NTM: variants seen among roughly 807,000 people sequenced by gnomAD.
NTM encodes the protein neurotrimin, also known as IgLON family member 2.
A neutral mutation model predicts 42.1 loss-of-function variants in NTM; 13 were observed. The ratio of observed to expected loss-of-function variants is 0.31; its 90% confidence interval spans 0.20 to 0.49. The LOEUF is 0.49. Ranked by LOEUF, NTM falls within the 20% of genes least tolerant of loss-of-function variation. The pLI, the probability that NTM is intolerant of heterozygous loss-of-function variation, is 0.99. For missense variants in NTM, 373 were observed against 452.8 expected (o/e 0.82, Z 1.60); for synonymous variants, 187 against 179.2 (o/e 1.04, Z -0.35).
chr11:131,436,361 C>G (rs1949133907), intron 1 of NTM, among the ~76,000 whole-genome samples: 2 of 152,122 alleles, frequency 1.3e-5, no homozygotes, highest in South Asian at 4.1e-4. Context: ...AGGAATGGTA[C>G]CAGCTCCTTT....
chr11:131,931,501 G>GTGTGTA (rs1353027491), intron 2 of NTM, among the ~76,000 whole-genome samples: 1 of 150,966 alleles, frequency 6.6e-6, no homozygotes, highest in Non-Finnish European at 1.5e-5. Context: ...GTGTGTGTGT[G>GTGTGTA]TGTATGTGTG....
chr11:132,210,279 T>C (rs949036170), intron 3 of NTM, among the ~76,000 whole-genome samples: 3 of 152,116 alleles, frequency 2.0e-5, no homozygotes, highest in Non-Finnish European at 4.4e-5. Context: ...ACACTTAACT[T>C]GCCAAGAACT....
chr11:131,953,816 G>T (rs537078268), intron 2 of NTM, among the ~76,000 whole-genome samples: 1 of 152,162 alleles, frequency 6.6e-6, no homozygotes, highest in African/African-American at 2.4e-5. Flanking sequence ...GAGGAGAAAA[G>T]GTAAAGTGAT....
At chr11:132,218,162 G>A (rs1335027009) in intron 4 of NTM, among the ~76,000 whole-genome samples, 1 of 152,076 alleles carries the variant, frequency 6.6e-6, no homozygotes, top group Non-Finnish European at 1.5e-5. Context: ...GAATGGCAGA[G>A]GAGAAAGACT....
At chr11:131,683,075 C>T (rs1304905489) in intron 1 of NTM, among the ~76,000 whole-genome samples, 1 of 152,218 alleles carries the variant, frequency 6.6e-6, no homozygotes, top group Non-Finnish European at 1.5e-5. Flanking sequence ...AACCCACAGT[C>T]ATCTGCACAG....
At chr11:132,198,089 G>A (rs2080564537) in intron 3 of NTM, among the ~76,000 whole-genome samples, 1 of 152,118 alleles carries the variant, frequency 6.6e-6, no homozygotes, top group Non-Finnish European at 1.5e-5. Context: ...CTTCCACAAT[G>A]GTTGAACTAG....
At chr11:131,924,114 T>C (rs531652835) in intron 2 of NTM, among the ~76,000 whole-genome samples, 1 of 152,360 alleles carries the variant, frequency 6.6e-6, no homozygotes, top group South Asian at 2.1e-4. Context: ...CCTGGAGCTA[T>C]GTGTGGAAAT....
chr11:131,611,573 G>C (rs979090462), intron 1 of NTM, among the ~76,000 whole-genome samples: 1 of 152,192 alleles, frequency 6.6e-6, no homozygotes, highest in African/African-American at 2.4e-5. Context: ...GCACAAGGAA[G>C]AAAGACAAAA....
At chr11:131,630,733 C>T (rs954192803) in intron 1 of NTM, among the ~76,000 whole-genome samples, 4 of 152,130 alleles carry the variant, frequency 2.6e-5, no homozygotes, top group African/African-American at 9.7e-5. Flanking sequence ...TGATTATCAC[C>T]GCCTGCACTG....
At chr11:131,845,953 C>T (rs764182006) in intron 1 of NTM, among the ~76,000 whole-genome samples, 8 of 152,018 alleles carry the variant, frequency 5.3e-5, no homozygotes, top group Middle Eastern at 3.4e-3. Context: ...TTATCCTCTC[C>T]GAAACATTCC....
chr11:132,001,288 C>T (rs1259798802), intron 2 of NTM, among the ~76,000 whole-genome samples: 1 of 152,108 alleles, frequency 6.6e-6, no homozygotes, highest in African/African-American at 2.4e-5. Flanking sequence ...ATCTTAGTAC[C>T]ACTTTTTAAG....
At position 132,243,367 on chromosome 11, in the gene NTM, A is replaced by G. The variant is rs538023074; in HGVS notation, c.526+31220A>G. 3.9e-5 allele frequency among the ~76,000 whole-genome samples: 6 copies of G among 152,328 alleles called. No homozygotes were observed. The East Asian group carries it at 1.2e-3, about 29-fold the overall frequency. On this transcript the variant is annotated intron_variant, in intron 4 of 8. Coordinates refer to ENST00000683400, the MANE Select transcript of NTM (RefSeq NM_001352005.2). ...ATTTGTCATTCAAAAAATATCAAAC[A>G]TATATAGGCTATTTCGCATTATTGG...
At chr11:131,755,474 A>G (rs2083208074) in intron 1 of NTM, among the ~76,000 whole-genome samples, 1 of 152,228 alleles carries the variant, frequency 6.6e-6, no homozygotes, top group Non-Finnish European at 1.5e-5. Flanking sequence ...ATACTGGATG[A>G]CCAGCTAAAT....
rs753134166 is a variant in NTM at position 131,965,719 on chromosome 11, G to A, written c.167+54071G>A. Reference sequence around the variant, plus strand: ...ACTCTTGTCACTGTCTCAGGCTGCCGCCCAGAAAGGCAAACATTGGAGTGA... The same window carrying A: ...ACTCTTGTCACTGTCTCAGGCTGCCACCCAGAAAGGCAAACATTGGAGTGA... On this transcript the variant is annotated intron_variant, in intron 2 of 8. Coordinates refer to ENST00000683400, the MANE Select transcript of NTM (RefSeq NM_001352005.2). Among the ~76,000 whole-genome samples the A allele has an allele frequency of 2.4e-4, 36 of 152,182 alleles. 2 individuals carry two copies. The highest frequency in any genetic ancestry group is 1.5e-3 in the East Asian group (8 of 5,172).
At chr11:132,229,464 CCTT>C (rs1272772654) in intron 4 of NTM, among the ~76,000 whole-genome samples, 5 of 152,184 alleles carry the variant, frequency 3.3e-5, no homozygotes, top group Admixed American at 3.3e-4. Context: ...AATTATATCA[CCTT>C]CTTTTTGGCT....
chr11:132,028,167 T>G (rs2075433354), intron 2 of NTM, among the ~76,000 whole-genome samples: 1 of 152,110 alleles, frequency 6.6e-6, no homozygotes, highest in Non-Finnish European at 1.5e-5. Flanking sequence ...ATAGTTACTT[T>G]AAATCCTCAA....
intron 1 of NTM, among the ~76,000 whole-genome samples, chr11:131,621,966 G>A (rs533351569): frequency 1.3e-5 from 2 of 152,144 alleles, no homozygotes; most frequent in Non-Finnish European, 2.9e-5. Flanking sequence ...TGTCCTTTCA[G>A]TCTCTCTTTG....
chr11:131,903,427 A>G (rs956161162), intron 1 of NTM, among the ~76,000 whole-genome samples: 9 of 152,268 alleles, frequency 5.9e-5, no homozygotes, highest in Admixed American at 3.9e-4. Context: ...GAAGATTAAC[A>G]TTGCTGGTTG....
chr11:131,450,955 G>A (rs1950438263), intron 1 of NTM, among the ~76,000 whole-genome samples: 2 of 152,164 alleles, frequency 1.3e-5, no homozygotes, highest in East Asian at 3.9e-4. Context: ...ACAGGGCAGG[G>A]CAATGGGACT....
Sources: allele counts gnomAD v4.1 joint callset (sites outside exome capture counted in the v4.1 genomes callset), GRCh38; gene constraint gnomAD v4.1.1; transcripts MANE v1.5; gene names NCBI Gene and HGNC (gene_info 2026-07-23, HGNC 2026-07-21).